The following IL7 variants were observed in gnomAD, a reference collection of about 807,000 sequenced individuals.
IL7 encodes interleukin 7.
In IL7, 3 loss-of-function variants were observed where a neutral mutation model predicts 21.6. The observed-to-expected ratio is 0.14, with a 90% CI of 0.06 to 0.36. The LOEUF is 0.36. Among genes scored for constraint, IL7 ranks in the 10% least tolerant of loss-of-function variants. IL7 has a pLI of 1.00. For missense variants in IL7, 175 were observed against 200.2 expected (o/e 0.87, Z 0.76); for synonymous variants, 62 against 68.1 (o/e 0.91, Z 0.44).
At chr8:78,799,372 A>C (rs1813973562) in intron 1 of IL7, among the ~76,000 whole-genome samples, 1 of 152,112 alleles carries the variant, frequency 6.6e-6, no homozygotes, top group Admixed American at 6.5e-5. Flanking sequence ...CCTCCCAATA[A>C]ATCAAGTGAC....
At chr8:78,706,016 C>T (rs952544662) in intron 3 of IL7, among the ~76,000 whole-genome samples, 5 of 152,108 alleles carry the variant, frequency 3.3e-5, no homozygotes, top group African/African-American at 1.2e-4. Context: ...CCTGCTTAAC[C>T]AGCAGTCTGA....
downstream of IL7, among the ~76,000 whole-genome samples, chr8:78,716,541 G>A (rs950249040): frequency 4.6e-5 from 7 of 152,094 alleles, no homozygotes; most frequent in African/African-American, 1.4e-4. Context: ...ATAAATACTA[G>A]AAGCATCACC....
At position 78,738,527 on chromosome 8, in the gene IL7, T is replaced by G; in HGVS notation, c.337A>C (p.Ile113Leu). 1 of 1,613,636 alleles carries G rather than the reference T, an allele frequency of 6.2e-7. No homozygotes were observed. The change falls in exon 4 of 6, where the codon ATA becomes CTA. Residue 113 changes from isoleucine (I) to leucine (L), a missense_variant. Physicochemically the swap from Ile to Leu is conservative, Grantham distance 5. Transcript: ENST00000263851. ...ACCTGGCCAGTGCAGTTCAACAGTATTGTTGTGCCTTCTGAAACTTTTAAT... is the reference window on the plus strand; with the variant it reads ...ACCTGGCCAGTGCAGTTCAACAGTAGTGTTGTGCCTTCTGAAACTTTTAAT... ...HLLKVSEGTT[I>L]LLNCTGQVKG... is the part of the protein sequence containing the mutation.
intron 2 of IL7, among the ~76,000 whole-genome samples, chr8:78,795,635 A>G (rs952633490): frequency 2.0e-5 from 3 of 152,074 alleles, no homozygotes. Context: ...GCACTTTTAT[A>G]CACATATAGT....
intron 2 of IL7, among the ~76,000 whole-genome samples, chr8:78,762,807 T>C (rs1266133424): frequency 6.6e-6 from 1 of 152,174 alleles, no homozygotes; most frequent in African/African-American, 2.4e-5. Context: ...TTGTATTCCT[T>C]CAGAGGTGTC....
At chr8:78,743,308 T>C (rs1480842629) in intron 2 of IL7, among the ~76,000 whole-genome samples, 3 of 152,184 alleles carry the variant, frequency 2.0e-5, no homozygotes, top group Non-Finnish European at 2.9e-5. Context: ...CTTTGAGAAA[T>C]TGCCATACCA....
intron 3 of IL7, among the ~76,000 whole-genome samples, chr8:78,690,844 A>C (rs1375163258): frequency 6.6e-6 from 1 of 152,138 alleles, no homozygotes; most frequent in African/African-American, 2.4e-5. Context: ...ATGTATTTGG[A>C]TGATCTTGTA....
intron 2 of IL7, among the ~76,000 whole-genome samples, chr8:78,744,251 C>A (rs2130707824): frequency 6.6e-6 from 1 of 151,316 alleles, no homozygotes; most frequent in African/African-American, 2.4e-5. Context: ...AGGGAGTTTT[C>A]AAATCTCTGT....
chr8:78,723,935 G>C, intron 3 of IL7: 1 of 195,898 alleles, frequency 5.1e-6, no homozygotes, highest in Non-Finnish European at 1.2e-5. Flanking sequence ...AAGAAATTTG[G>C]TTAATGAAAA....
intron 2 of IL7, among the ~76,000 whole-genome samples, chr8:78,792,079 TG>T (rs1408541059): frequency 1.3e-5 from 2 of 152,148 alleles, no homozygotes; most frequent in African/African-American, 4.8e-5. Flanking sequence ...TGTCTGGTCC[TG>T]GCATAGGGAT....
At chr8:78,679,748 A>G (rs1809705957) in intron 4 of IL7, among the ~76,000 whole-genome samples, 1 of 152,136 alleles carries the variant, frequency 6.6e-6, no homozygotes, top group South Asian at 2.1e-4. Flanking sequence ...GTATAAGAAC[A>G]TTTTTCTAGG....
chr8:78,730,102 C>T (rs1336706131), downstream of IL7, among the ~76,000 whole-genome samples: 2 of 151,920 alleles, frequency 1.3e-5, no homozygotes, highest in African/African-American at 4.8e-5. Flanking sequence ...TAACTTTCTT[C>T]ATGTAAAATA....
intron 2 of IL7, among the ~76,000 whole-genome samples, chr8:78,754,745 G>A (rs1053703787): frequency 2.0e-5 from 3 of 152,028 alleles, no homozygotes; most frequent in African/African-American, 7.2e-5. Flanking sequence ...TCCCTTGTTG[G>A]ATGAATAATT....
At chr8:78,715,151 T>A, downstream of IL7, 1 of 1,341,662 alleles carries the variant, frequency 7.5e-7, no homozygotes. Flanking sequence ...TCTAGTCATG[T>A]GAATAGGTAA....
At chr8:78,695,178 A>T (rs997167170) in intron 3 of IL7, among the ~76,000 whole-genome samples, 1 of 152,302 alleles carries the variant, frequency 6.6e-6, no homozygotes. Context: ...AGTAATGGGA[A>T]ATATTATAGG....
chr8:78,773,487 A>G (rs1326489620), intron 2 of IL7, among the ~76,000 whole-genome samples: 4 of 152,168 alleles, frequency 2.6e-5, no homozygotes, highest in African/African-American at 7.2e-5. Flanking sequence ...CACAATGAGA[A>G]AACAGCAAAG....
At chr8:78,786,118 T>C (rs1813502290) in intron 2 of IL7, among the ~76,000 whole-genome samples, 2 of 152,208 alleles carry the variant, frequency 1.3e-5, no homozygotes, top group Admixed American at 6.5e-5. Flanking sequence ...TGATAGGGGA[T>C]ATATTATGAG....
rs146666755 is a variant in IL7, at chr8:78,703,712, G to A, written n.214+17636C>T. Among the ~76,000 whole-genome samples, 543 of 152,084 alleles carry A rather than the reference G, an allele frequency of 3.6e-3. 2 individuals are homozygous for A. The highest frequency in any genetic ancestry group is 6.5e-3 in the Non-Finnish European group (439 of 67,960). On this transcript the variant is annotated intron_variant and non_coding_transcript_variant, in intron 3 of 4. Transcript: ENST00000523959. ...GGTCTCTTGAAGACAGCATACCAAT[G>A]GATCGTGGTTCTTTATCAAAATACT...
chr8:78,802,484 G>A (rs1814102045), intron 1 of IL7, among the ~76,000 whole-genome samples: 1 of 150,328 alleles, frequency 6.7e-6, no homozygotes, highest in Admixed American at 6.6e-5. Context: ...AGGCTGGAGT[G>A]CAATGGTGCG....
Sources: allele counts gnomAD v4.1 joint callset (sites outside exome capture counted in the v4.1 genomes callset), GRCh38; gene constraint gnomAD v4.1.1; transcripts MANE v1.5; gene names NCBI Gene and HGNC (gene_info 2026-07-23, HGNC 2026-07-21).